The following HK1 variants were observed in gnomAD, a reference collection of about 807,000 sequenced individuals.
The protein encoded by HK1 is hexokinase 1, also known as hexokinase-1.
In HK1, 28 loss-of-function variants were observed where a neutral mutation model predicts 91.6. The observed-to-expected ratio is 0.31, with a 90% CI of 0.23 to 0.42. The LOEUF (loss-of-function observed/expected upper bound fraction) is 0.42. Among genes scored for constraint, HK1 ranks in the 10% least tolerant of loss-of-function variants. The pLI is 1.00. For synonymous variants in HK1, 430 were observed against 468.1 expected, an observed-to-expected ratio of 0.92 and a Z score of 1.05; for missense variants, 770 against 1,219.8, an observed-to-expected ratio of 0.63 and a Z score of 5.49.
In HK1 at chr10:69,401,041, A is replaced by C; in HGVS notation, c.2660A>C (p.Asn887Thr). ...GTGAAGGAACTGTCACCAAAATGTA[A>C]CGTGTCCTTCCTCCTGTCTGAGGAT... ...QTVKELSPKCNVSFLLSEDGS... is the reference protein window; with the variant it reads ...QTVKELSPKCTVSFLLSEDGS... The change falls in exon 18 of 18, where the codon AAC (asparagine) becomes ACC (threonine). Residue 887 changes from asparagine (N) to threonine (T), a missense_variant. By Grantham distance (65) the Asn-to-Thr change is moderately conservative. Around this residue, in one of 7 missense-constraint regions of HK1, gnomAD observed 78 missense variants for 99.0 expected, o/e 0.79. Transcript: ENST00000359426. 1.2e-6 allele frequency: 2 copies of C among 1,614,204 alleles called. No individual in the cohort carries two copies. Among genetic ancestry groups the C allele is most frequent in the Non-Finnish European group, 1.7e-6 (2 of 1,180,036 alleles).
intron 2 of HK1, among the ~76,000 whole-genome samples, chr10:69,355,638 A>C (rs2132739155): frequency 6.6e-6 from 1 of 152,160 alleles, no homozygotes; most frequent in East Asian, 1.9e-4. Flanking sequence ...AAAAATACAA[A>C]AAAATTAGCC....
chr10:69,338,439 G>T (rs906216), intron 1 of HK1: 550,587 of 1,257,506 alleles, frequency 0.44, 124,332 homozygotes, highest in African/African-American at 0.63. Context: ...GGTTTGAGAG[G>T]GAGCATTTGA....
At chr10:69,322,826 G>A (rs1278777643) in intron 1 of HK1, among the ~76,000 whole-genome samples, 2 of 151,422 alleles carry the variant, frequency 1.3e-5, no homozygotes, top group Non-Finnish European at 2.9e-5. Flanking sequence ...GAAGGCAGAG[G>A]TTGCGGTGAG....
In HK1 at chr10:69,401,451, G is replaced by C; in HGVS notation, c.*316G>C. Reference sequence around the variant, plus strand: ...ATTCATCCAACAGAGTTATTTATTGGCTGGAGATGGAAAATCACACCACCT... The same window carrying C: ...ATTCATCCAACAGAGTTATTTATTGCCTGGAGATGGAAAATCACACCACCT... On this transcript the variant is annotated 3_prime_UTR_variant, in exon 18 of 18. Coordinates refer to ENST00000359426, the MANE Select transcript of HK1 (RefSeq NM_000188.3). 1 of 428,862 alleles carries C rather than the reference G, an allele frequency of 2.3e-6. No individual in the cohort carries two copies. Among genetic ancestry groups the C allele is most frequent in the African/African-American group, 2.0e-5 (1 of 49,450 alleles). The allele number at this position is 428,862 out of a possible 1,614,324, so 26.6% of individuals were successfully genotyped here.
At chr10:69,326,526 G>C (rs1847387733) in intron 1 of HK1, among the ~76,000 whole-genome samples, 1 of 152,138 alleles carries the variant, frequency 6.6e-6, no homozygotes, top group African/African-American at 2.4e-5. Flanking sequence ...GGCTCTTCTT[G>C]CTTCCTCTGT....
intron 12 of HK1, among the ~76,000 whole-genome samples, chr10:69,385,374 G>A (rs1231821905): frequency 6.6e-6 from 1 of 152,202 alleles, no homozygotes; most frequent in Non-Finnish European, 1.5e-5. Flanking sequence ...ATCAGAGCTT[G>A]AGCACCTGCT....
upstream of HK1, among the ~76,000 whole-genome samples, chr10:69,313,158 C>T (rs1846456859): frequency 6.6e-6 from 1 of 152,210 alleles, no homozygotes; most frequent in Non-Finnish European, 1.5e-5. Context: ...TCATCCTCAT[C>T]CCAGCCCTAA....
intron 4 of HK1, among the ~76,000 whole-genome samples, chr10:69,297,687 G>A (rs1383857010): frequency 3.3e-5 from 5 of 151,672 alleles, no homozygotes; most frequent in Non-Finnish European, 5.9e-5. Flanking sequence ...CTGAGGTCGG[G>A]TGTTTAAGAC....
upstream of HK1, chr10:69,318,042 G>A (rs758642806): frequency 2.0e-6 from 2 of 985,326 alleles, no homozygotes; most frequent in African/African-American, 3.5e-5. Flanking sequence ...GAGGCCCAGA[G>A]GATGGGGACA....
chr10:69,392,351 G>A (rs1206926827), intron 15 of HK1, 43 bp downstream of exon 15: 2 of 1,601,742 alleles, frequency 1.2e-6, no homozygotes, highest in South Asian at 1.1e-5. Context: ...TCAGGGTGGG[G>A]GCAGCACTTG....
intron 4 of HK1, chr10:69,300,736 G>A: frequency 3.3e-6 from 4 of 1,219,120 alleles, no homozygotes. Context: ...TTGGAGCATG[G>A]CCTAAGAACC....
chr10:69,291,741 A>G (rs1845303078), intron 3 of HK1, among the ~76,000 whole-genome samples: 1 of 152,150 alleles, frequency 6.6e-6, no homozygotes, highest in Non-Finnish European at 1.5e-5. Context: ...CATGCTCGGG[A>G]TATTGAAATT....
chr10:69,364,824 G>A lies in HK1; in HGVS notation c.417G>A (p.Glu139=). The change falls in exon 4 of 18, where the codon GAG becomes GAA. Residue 139 remains glutamate (E), a synonymous_variant. Transcript: ENST00000359426. ...HVAECLGDFM[E]KRKIKDKKLP... ...CTGAGTGCCTGGGAGATTTCATGGA[G>A]AAAAGGAAGATCAAGGACAAGAAGT... 6.2e-7 allele frequency: 1 copy of A among 1,614,124 alleles called. No homozygotes were observed. The highest frequency in any genetic ancestry group is 8.5e-7 in the Non-Finnish European group (1 of 1,179,988).
At chr10:69,384,671 G>A in intron 11 of HK1, 125 bp from the exon 12 acceptor site, 1 of 1,444,198 alleles carries the variant, frequency 6.9e-7, no homozygotes, top group Non-Finnish European at 9.7e-7. Context: ...GGAAAAGGAG[G>A]CTCACTCTGC....
chr10:69,381,636 C>T (rs1589569233), intron 9 of HK1, among the ~76,000 whole-genome samples: 1 of 151,378 alleles, frequency 6.6e-6, no homozygotes, highest in Admixed American at 6.6e-5. Flanking sequence ...TCACTGCAAC[C>T]TCTGCCTCCC....
At chr10:69,376,829 G>T in intron 7 of HK1, 105 bp from the exon 8 acceptor site, 2 of 1,398,456 alleles carry the variant, frequency 1.4e-6, no homozygotes, top group African/African-American at 1.4e-5. Flanking sequence ...GCTGGGGGCT[G>T]GTGAGGGGTG....
At chr10:69,338,470 A>G (rs1356117617) in intron 1 of HK1, 2 of 1,278,824 alleles carry the variant, frequency 1.6e-6, no homozygotes, top group African/African-American at 3.1e-5. Flanking sequence ...TTCTGTCATG[A>G]CTCCTGGGAA....
At position 69,371,574 on chromosome 10, in the gene HK1, C is replaced by T. The variant is rs150403843; in HGVS notation, c.875+1950C>T. 6.6e-5 allele frequency among the ~76,000 whole-genome samples: 10 copies of T among 152,338 alleles called. No individual in the cohort carries two copies. The East Asian group carries it at 1.9e-3, about 29-fold the overall frequency. ...TTATGTACCTGTAGTTACTATCAGTCACTTAATGAGAAGTCTCTTTTCTTA... is the reference window on the plus strand; with the variant it reads ...TTATGTACCTGTAGTTACTATCAGTTACTTAATGAGAAGTCTCTTTTCTTA... On this transcript the variant is annotated intron_variant, in intron 7 of 17. Transcript: ENST00000359426.
chr10:69,332,137 G>C (rs1847759252), intron 1 of HK1, among the ~76,000 whole-genome samples: 1 of 152,138 alleles, frequency 6.6e-6, no homozygotes, highest in Admixed American at 6.6e-5. Context: ...TGCATATGTG[G>C]CTCATATTAT....
Sources: allele counts gnomAD v4.1 joint callset (sites outside exome capture counted in the v4.1 genomes callset), GRCh38; gene constraint gnomAD v4.1.1; regional missense constraint gnomAD v4.1.1; transcripts MANE v1.5; gene names NCBI Gene and HGNC (gene_info 2026-07-23, HGNC 2026-07-21).